The following FMN2 variants were observed in gnomAD, a reference collection of about 807,000 sequenced individuals.
FMN2 encodes the protein formin-2.
Under a neutral mutation model 142.3 loss-of-function variants are expected in FMN2, and 51 were observed. The ratio of observed to expected loss-of-function variants is 0.36; its 90% CI spans 0.29 to 0.45. The LOEUF is 0.45. FMN2 is among the 20% of genes least tolerant of loss of function. The pLI is 1.00. For missense variants in FMN2, 1,936 were observed against 2,122.8 expected, an observed-to-expected ratio of 0.91 and a Z score of 1.73; for synonymous variants, 882 against 869.8, an observed-to-expected ratio of 1.01 and a Z score of -0.25.
intron 15 of FMN2, among the ~76,000 whole-genome samples, chr1:240,406,321 G>A (rs1572274456): frequency 8.7e-6 from 1 of 115,290 alleles, no homozygotes; most frequent in Middle Eastern, 4.2e-3. Flanking sequence ...AGCCTCGGGA[G>A]TGGGGGGAGC....
chr1:240,386,687 G>A (rs1180495793), intron 14 of FMN2, among the ~76,000 whole-genome samples: 4 of 152,178 alleles, frequency 2.6e-5, no homozygotes, highest in Non-Finnish European at 4.4e-5. Context: ...AGGTAGAAAT[G>A]TGGAGTCGGA....
At chr1:240,291,940 C>A (rs1056452946) in intron 7 of FMN2, among the ~76,000 whole-genome samples, 5 of 152,078 alleles carry the variant, frequency 3.3e-5, no homozygotes, top group Non-Finnish European at 7.4e-5. Context: ...TGCCTCTAAG[C>A]CCCACAAAAA....
intron 6 of FMN2, among the ~76,000 whole-genome samples, chr1:240,215,086 C>T (rs894395747): frequency 3.3e-5 from 5 of 151,892 alleles, no homozygotes; most frequent in African/African-American, 7.3e-5. Flanking sequence ...AAAATTCATC[C>T]GCACTCATTA....
In FMN2 at chr1:240,110,819, T is replaced by A. The variant is rs181045306; in HGVS notation, c.1616-12360T>A. Among the ~76,000 whole-genome samples the A allele has an allele frequency of 9.7e-3, 1,474 of 151,936 alleles. 17 individuals are homozygous for A. The highest frequency in any genetic ancestry group is 0.033 in the African/African-American group (1,363 of 41,380). On this transcript the variant is annotated intron_variant, in intron 1 of 17. Transcript: ENST00000319653. ...AAAACAAATATGCAAGCCCTTTTTT[T>A]TAAAAAAAATTGAGGCTAGGAATTC...
chr1:240,170,468 T>C, intron 2 of FMN2: 2 of 1,402,420 alleles, frequency 1.4e-6, no homozygotes, highest in South Asian at 1.2e-5. Context: ...GTGTGGAGAA[T>C]GCAAATTTTG....
intron 1 of FMN2, among the ~76,000 whole-genome samples, chr1:240,118,328 CAG>C (rs1050310702): frequency 5.9e-5 from 9 of 152,108 alleles, no homozygotes; most frequent in African/African-American, 1.9e-4. Context: ...TGCCAAGAGA[CAG>C]GGGCTGGGGG....
chr1:240,361,234 G>A (rs984780548), intron 14 of FMN2, among the ~76,000 whole-genome samples: 1 of 144,740 alleles, frequency 6.9e-6, no homozygotes, highest in Non-Finnish European at 1.5e-5. Flanking sequence ...ATGGACACAA[G>A]CAAATTGGTA....
At chr1:240,174,257 A>C (rs537470236) in intron 2 of FMN2, among the ~76,000 whole-genome samples, 1 of 152,312 alleles carries the variant, frequency 6.6e-6, no homozygotes, top group South Asian at 2.1e-4. Context: ...GGCTGTGTAG[A>C]AGAACTGTAG....
At chr1:240,305,550 A>G (rs904819684) in intron 8 of FMN2, among the ~76,000 whole-genome samples, 1 of 152,242 alleles carries the variant, frequency 6.6e-6, no homozygotes, top group Non-Finnish European at 1.5e-5. Context: ...ATAAAGTGGT[A>G]GTTTCCAAGT....
intron 15 of FMN2, among the ~76,000 whole-genome samples, chr1:240,414,307 G>A (rs1041395649): frequency 6.6e-6 from 1 of 152,138 alleles, no homozygotes; most frequent in African/African-American, 2.4e-5. Flanking sequence ...GAATGGGTAG[G>A]GTCATTCTTA....
intron 17 of FMN2, 36 bp downstream of exon 17, chr1:240,472,489 T>C: frequency 1.4e-6 from 2 of 1,430,448 alleles, no homozygotes; most frequent in Non-Finnish European, 1.9e-6. Context: ...TTATTTTCTT[T>C]GGCTTTTAAA....
chr1:240,275,531 G>GA (rs1201931934), intron 7 of FMN2, among the ~76,000 whole-genome samples: 1 of 151,886 alleles, frequency 6.6e-6, no homozygotes, highest in African/African-American at 2.4e-5. Context: ...TTGCTATTGT[G>GA]AACAGTGCTG....
intron 6 of FMN2, among the ~76,000 whole-genome samples, chr1:240,254,888 C>T (rs1668399917): frequency 6.6e-6 from 1 of 152,120 alleles, no homozygotes. Flanking sequence ...CTGGTGGGGG[C>T]TGACATTTCA....
intron 2 of FMN2, among the ~76,000 whole-genome samples, chr1:240,148,645 T>C (rs963632796): frequency 2.0e-5 from 3 of 152,208 alleles, no homozygotes; most frequent in African/African-American, 7.2e-5. Flanking sequence ...ACTTGAGATG[T>C]AAAATGCAGA....
At chr1:240,212,122 C>T (rs188382595) in intron 6 of FMN2, among the ~76,000 whole-genome samples, 1 of 152,230 alleles carries the variant, frequency 6.6e-6, no homozygotes. Flanking sequence ...GTTCTCCTTG[C>T]CCAGTAGCCC....
At chr1:240,240,587 A>G (rs1341298306) in intron 6 of FMN2, among the ~76,000 whole-genome samples, 1 of 152,222 alleles carries the variant, frequency 6.6e-6, no homozygotes, top group African/African-American at 2.4e-5. Context: ...CATACTTGAT[A>G]TCCAAATATT....
In FMN2 at chr1:240,092,094, G is replaced by A. The variant is rs1294542525; in HGVS notation, c.-16G>A. On this transcript the variant is annotated 5_prime_UTR_variant, in exon 1 of 18. Coordinates refer to ENST00000319653, the MANE Select transcript of FMN2 (RefSeq NM_020066.5). ...TGAGTGCCCGCGGCGCGGCGGCGCAGCAGCGGGATTGCACCATGGGGAACC... is the reference window on the plus strand; with the variant it reads ...TGAGTGCCCGCGGCGCGGCGGCGCAACAGCGGGATTGCACCATGGGGAACC... 3 of 1,540,764 alleles carry A rather than the reference G, an allele frequency of 1.9e-6. No homozygotes were observed. Among genetic ancestry groups the A allele is most frequent in the Admixed American group, 2.0e-5 (1 of 49,870 alleles).
At chr1:240,257,788 T>C (rs1668496366) in intron 6 of FMN2, among the ~76,000 whole-genome samples, 157 bp from the exon 7 acceptor site, 1 of 152,196 alleles carries the variant, frequency 6.6e-6, no homozygotes, top group Admixed American at 6.5e-5. Context: ...CCAAAAGCTC[T>C]CTTCAAACAT....
intron 1 of FMN2, among the ~76,000 whole-genome samples, chr1:240,114,385 G>C (rs1211445922): frequency 6.6e-6 from 1 of 152,112 alleles, no homozygotes; most frequent in African/African-American, 2.4e-5. Context: ...CCTTTCTTTT[G>C]TTCCAGAGGC....
Sources: allele counts gnomAD v4.1 joint callset (sites outside exome capture counted in the v4.1 genomes callset), GRCh38; gene constraint gnomAD v4.1.1; transcripts MANE v1.5; gene names NCBI Gene and HGNC (gene_info 2026-07-23, HGNC 2026-07-21).